Variants in C8orf34 observed in about 807,000 individuals in gnomAD.
C8orf34 encodes the protein uncharacterized protein C8orf34.
Under a neutral mutation model 68.3 loss-of-function variants are expected in C8orf34, and 65 were observed. The ratio of observed to expected loss-of-function variants is 0.95; its 90% CI spans 0.78 to 1.17. The LOEUF is 1.17. C8orf34 is among the 50% of genes most tolerant of loss of function. The probability of loss-of-function intolerance (pLI) is 0.00; values close to 1 mark genes in which losing one functional copy is unlikely to be tolerated. For missense variants in C8orf34, 664 were observed against 655.4 expected, an observed-to-expected ratio of 1.01 and a Z score of -0.14; for synonymous variants, 244 against 241.2, an observed-to-expected ratio of 1.01 and a Z score of -0.11.
chr8:68,505,240 G>A lies in C8orf34; in HGVS notation c.766-16559G>A, dbSNP rs568263808. On this transcript the variant is annotated intron_variant, in intron 5 of 13. Transcript: ENST00000518698. ...TTATAGCCATCTTCATGAGAGTGAAGTAGTATTTCATTGTACTTTTTATTT... is the reference window on the plus strand; with the variant it reads ...TTATAGCCATCTTCATGAGAGTGAAATAGTATTTCATTGTACTTTTTATTT... Among the ~76,000 whole-genome samples the A allele has an allele frequency of 4.6e-5, 7 of 152,320 alleles. No individual in the cohort carries two copies. In the East Asian group the frequency reaches 1.2e-3, roughly 25 times the overall value.
chr8:68,766,573 C>A (rs541191453), intron 10 of C8orf34, among the ~76,000 whole-genome samples: 2 of 152,130 alleles, frequency 1.3e-5, no homozygotes, highest in African/African-American at 4.8e-5. Flanking sequence ...TGTCATTTAA[C>A]TACTTCTGCT....
intron 2 of C8orf34, among the ~76,000 whole-genome samples, chr8:68,440,567 A>G (rs905662083): frequency 3.3e-4 from 50 of 152,258 alleles, no homozygotes; most frequent in African/African-American, 1.2e-3. Flanking sequence ...AAGTTAGAAT[A>G]TGAACTTTTG....
intron 8 of C8orf34, among the ~76,000 whole-genome samples, chr8:68,653,729 A>G (rs1819430631): frequency 1.3e-5 from 2 of 152,106 alleles, no homozygotes; most frequent in Non-Finnish European, 2.9e-5. Flanking sequence ...CTCATGGCCT[A>G]CATACCTCCC....
At chr8:68,467,638 A>G (rs374106909) in intron 3 of C8orf34, among the ~76,000 whole-genome samples, 60 of 151,992 alleles carry the variant, frequency 3.9e-4, no homozygotes, top group African/African-American at 1.0e-3. Context: ...AAGTCTTGCC[A>G]TTTTTTGATT....
intron 7 of C8orf34, among the ~76,000 whole-genome samples, chr8:68,609,551 G>A (rs941724948): frequency 6.6e-6 from 1 of 152,160 alleles, no homozygotes. Context: ...AATCATTGGT[G>A]TCAAACTAAG....
intron 7 of C8orf34, among the ~76,000 whole-genome samples, chr8:68,610,866 T>G (rs78967266): frequency 3.9e-5 from 5 of 127,470 alleles, no homozygotes; most frequent in African/African-American, 1.2e-4. Flanking sequence ...CTTTGGTTTT[T>G]TTTTTTTTTT....
chr8:68,337,097 C>G (rs1805883601), intron 1 of C8orf34, among the ~76,000 whole-genome samples: 1 of 152,062 alleles, frequency 6.6e-6, no homozygotes, highest in African/African-American at 2.4e-5. Flanking sequence ...AAAGATAATT[C>G]AGGCAAGAAA....
upstream of C8orf34, chr8:68,330,794 GACAC>G (rs201054752): frequency 1.8e-5 from 8 of 440,010 alleles, no homozygotes; most frequent in South Asian, 8.8e-5. Context: ...CGCGCGCACG[GACAC>G]ACACACACAC....
intron 9 of C8orf34, among the ~76,000 whole-genome samples, chr8:68,720,549 A>C (rs1222542150): frequency 6.6e-6 from 1 of 151,920 alleles, no homozygotes; most frequent in Non-Finnish European, 1.5e-5. Flanking sequence ...TAAATATAAG[A>C]AATTAATTTT....
chr8:68,643,951 T>G (rs1420546071), intron 8 of C8orf34, among the ~76,000 whole-genome samples: 1 of 152,214 alleles, frequency 6.6e-6, no homozygotes. Context: ...CATGCTCCAG[T>G]GCACTTTGGT....
intron 3 of C8orf34, among the ~76,000 whole-genome samples, chr8:68,464,395 A>G (rs1432477059): frequency 6.6e-6 from 1 of 152,134 alleles, no homozygotes; most frequent in Non-Finnish European, 1.5e-5. Context: ...TATAGATTCA[A>G]TGCCATCCCC....
intron 10 of C8orf34, among the ~76,000 whole-genome samples, chr8:68,727,170 T>C (rs7001211): frequency 0.013 from 1,963 of 152,248 alleles, 51 homozygotes; most frequent in African/African-American, 0.045. Context: ...TAAATACAGC[T>C]ATTCCAAATG....
chr8:68,816,960 C>T (rs564690638), intron 13 of C8orf34, among the ~76,000 whole-genome samples: 49 of 152,278 alleles, frequency 3.2e-4, no homozygotes, highest in Non-Finnish European at 6.0e-4. Flanking sequence ...ACAACTATCA[C>T]GTGGTTCTCT....
intron 7 of C8orf34, among the ~76,000 whole-genome samples, chr8:68,550,096 T>C (rs1368596763): frequency 6.6e-6 from 1 of 151,848 alleles, no homozygotes; most frequent in Admixed American, 6.6e-5. Flanking sequence ...TAATTATTGA[T>C]GTAACTGGAT....
chr8:68,562,273 C>A (rs1816455148), intron 7 of C8orf34, among the ~76,000 whole-genome samples: 1 of 152,048 alleles, frequency 6.6e-6, no homozygotes, highest in Admixed American at 6.5e-5. Context: ...TATGTGGTCC[C>A]TCATTGACCA....
intron 10 of C8orf34, among the ~76,000 whole-genome samples, chr8:68,751,423 C>T (rs1008245661): frequency 6.6e-6 from 1 of 152,136 alleles, no homozygotes; most frequent in Non-Finnish European, 1.5e-5. Context: ...TTTTAAATTA[C>T]TTTAAGGACC....
Position 68,816,133 on chromosome 8 carries a change from T to TGTG in C8orf34, c.1609+188_1609+189insGTG, listed in dbSNP as rs879610966. ...GTGTGTGTGTGTGTGTGTGTGTGTG[T>TGTG]TTCTCTGTGTGTGTGTGTGTGTGTG... is the stretch of plus-strand genomic sequence containing the variant. On this transcript the variant is annotated intron_variant, in intron 13 of 13. Transcript: ENST00000518698. Among the ~76,000 whole-genome samples, 3 of 133,312 alleles carry TGTG rather than the reference T, an allele frequency of 2.3e-5. No individual in the cohort carries two copies. The East Asian group carries it at 6.9e-4, about 30-fold the overall frequency. 87.5% of individuals were successfully genotyped at this position (133,312 alleles called of 152,430 possible). A position where few individuals can be genotyped will look rare whatever the true frequency, so the allele number is the denominator to read the frequency against.
rs878877790 is a variant in C8orf34, at chr8:68,522,054, T to C, written c.938+83T>C. The C allele has an allele frequency of 5.5e-5, 70 of 1,283,214 alleles. No individual in the cohort carries two copies. The South Asian group carries it at 6.4e-4, about 12-fold the overall frequency. 79.5% of individuals were successfully genotyped at this position (1,283,214 alleles called of 1,614,324 possible). A position where few individuals can be genotyped will look rare whatever the true frequency, so the allele number is the denominator to read the frequency against. ...AATAAACCCAAGTTCATGGTTTTTATGAAATCCGTTTTAGTAATTTTTTAT... is the reference window on the plus strand; with the variant it reads ...AATAAACCCAAGTTCATGGTTTTTACGAAATCCGTTTTAGTAATTTTTTAT... On this transcript the variant is annotated intron_variant, in intron 6 of 13. Coordinates refer to ENST00000518698, the MANE Select transcript of C8orf34 (RefSeq NM_052958.4).
At chr8:68,340,155 C>G (rs149515628) in intron 1 of C8orf34, among the ~76,000 whole-genome samples, 1 of 151,922 alleles carries the variant, frequency 6.6e-6, no homozygotes, top group Non-Finnish European at 1.5e-5. Context: ...TATATACTGA[C>G]AGTGGGAATG....
Sources: allele counts gnomAD v4.1 joint callset (sites outside exome capture counted in the v4.1 genomes callset), GRCh38; gene constraint gnomAD v4.1.1; transcripts MANE v1.5; gene names NCBI Gene and HGNC (gene_info 2026-07-23, HGNC 2026-07-21).